Variants in FAM219B observed in about 807,000 individuals in gnomAD.
The protein encoded by FAM219B is family with sequence similarity 219 member B.
FAM219B carries 18 observed loss-of-function variants against 19.9 expected under a neutral mutation model. That is an observed-to-expected ratio of 0.91 (90% confidence interval 0.63 to 1.34). The LOEUF is 1.34. Among genes scored for constraint, FAM219B ranks in the 40% most tolerant of loss-of-function variants. The pLI is 0.00. For missense variants in FAM219B, 283 were observed against 270.5 expected (o/e 1.05, Z -0.32); for synonymous variants, 123 against 117.5 (o/e 1.05, Z -0.30).
intron 1 of FAM219B, 69 bp from the exon 2 acceptor site, chr15:74,906,434 C>A: frequency 2.6e-6 from 4 of 1,553,338 alleles, no homozygotes; most frequent in Non-Finnish European, 3.5e-6. Flanking sequence ...GGCTGGGAGG[C>A]CGCTCTTTCC....
intron 4 of FAM219B, 67 bp from the exon 5 acceptor site, chr15:74,902,853 CAG>C (rs2065020853): frequency 6.5e-7 from 1 of 1,534,064 alleles, no homozygotes; most frequent in South Asian, 1.3e-5. Context: ...ACCCAAAAGA[CAG>C]AACCACATTC....
At position 74,903,811 on chromosome 15, in the gene FAM219B, A is replaced by C. The variant is rs4886635; in HGVS notation, c.429+853T>G. ...AGTGGTGTAGAGTCAGGTCCCCAGC[A>C]CTTCACCTCTGTCAAAGGGAATGGG... On this transcript the variant is annotated intron_variant, in intron 4 of 4. Coordinates refer to ENST00000357635, the MANE Select transcript of FAM219B (RefSeq NM_020447.5). Among the ~76,000 whole-genome samples, 1,459 of 152,126 alleles carry C rather than the reference A, an allele frequency of 9.6e-3. 42 individuals are homozygous for C. The highest frequency in any genetic ancestry group is 0.055 in the Admixed American group (834 of 15,264).
intron 2 of FAM219B, 35 bp downstream of exon 2, chr15:74,906,243 G>A (rs373413507): frequency 2.6e-5 from 42 of 1,605,984 alleles, no homozygotes; most frequent in Non-Finnish European, 1.9e-5. Flanking sequence ...CTTCTCTAAA[G>A]CTGCTGGCAC....
In FAM219B at chr15:74,906,315, C is replaced by A; in HGVS notation, c.265G>T (p.Gly89Trp). 6.2e-7 allele frequency: 1 copy of A among 1,613,632 alleles called. No homozygotes were observed. Reference protein sequence around the residue: ...KAVLRRKGMLGASPNRPDSSG... With the variant: ...KAVLRRKGMLWASPNRPDSSG... The stretch of plus-strand genomic sequence containing the variant: ...GAGTCTGGGCGGTTCGGCGAGGCCC[C>A]CAGCATGCCTTTTCTCCGCAGAACG... Residue 89 changes from glycine (G) to tryptophan (W), a missense_variant, in exon 2 of 5, where the codon GGG (glycine) becomes TGG (tryptophan). By Grantham distance (184) the Gly-to-Trp change is radical (BLOSUM62 -2). Transcript: ENST00000357635.
In FAM219B at chr15:74,902,399, C is replaced by T. The variant is rs190919156; in HGVS notation, c.*220G>A. 1.2e-3 allele frequency: 519 copies of T among 418,150 alleles called. 4 individuals carry two copies. Among genetic ancestry groups the T allele is most frequent in the African/African-American group, 9.8e-3 (481 of 49,130 alleles). 25.9% of individuals were successfully genotyped at this position (418,150 alleles called of 1,614,324 possible). A position where few individuals can be genotyped will look rare whatever the true frequency, so the allele number is the denominator to read the frequency against. On this transcript the variant is annotated 3_prime_UTR_variant, in exon 5 of 5. Transcript: ENST00000357635. Reference sequence around the variant, plus strand: ...CTTGCCCTTATTAAAGTGACTTCTCCAAACTCTGCTCCAACAGCAGAGGAA... The same window carrying T: ...CTTGCCCTTATTAAAGTGACTTCTCTAAACTCTGCTCCAACAGCAGAGGAA...
At position 74,906,364 on chromosome 15, in the gene FAM219B, C is replaced by T. The variant is rs759700702; in HGVS notation, c.216G>A (p.Gln72=). 9.9e-6 allele frequency: 16 copies of T among 1,610,010 alleles called. No individual in the cohort carries two copies. Among genetic ancestry groups the T allele is most frequent in the African/African-American group, 4.0e-5 (3 of 74,872 alleles). Residue 72 remains glutamine, a splice_region_variant and synonymous_variant, in exon 2 of 5, where the codon CAG becomes CAA. Coordinates refer to ENST00000357635, the MANE Select transcript of FAM219B (RefSeq NM_020447.5). ...TRAPSIQAKL[Q]KHRDLAKAVL... ...CGGCCTTGGCCAGGTCCCGGTGCTT[C>T]TCTGGAAGTTAAAGGACCCGGGTCA...
Position 74,902,013 on chromosome 15 carries a change from G to C in FAM219B, c.*606C>G, listed in dbSNP as rs1329570180. On this transcript the variant is annotated 3_prime_UTR_variant, in exon 5 of 5. Transcript: ENST00000357635. ...GGATTCTGGAAGCCAGGATCCTGCTGTATCATTAAGCAACCTGCTATGATC... is the reference window on the plus strand; with the variant it reads ...GGATTCTGGAAGCCAGGATCCTGCTCTATCATTAAGCAACCTGCTATGATC... 2.5e-6 allele frequency: 1 copy of C among 397,900 alleles called. No homozygotes were observed. Among genetic ancestry groups the C allele is most frequent in the Non-Finnish European group, 4.4e-6 (1 of 225,916 alleles). The allele number at this position is 397,900 out of a possible 1,614,324, so 24.6% of individuals were successfully genotyped here.
At position 74,904,751 on chromosome 15, in the gene FAM219B, T is replaced by C. The variant is rs1475602732; in HGVS notation, c.381-39A>G. ...AAAACAGTCAGTTCCGGGAGGTACC[T>C]GTGGTGCACAGCTGTAAATCATCAG... On this transcript the variant is annotated intron_variant, in intron 3 of 4. Transcript: ENST00000357635. The C allele has an allele frequency of 5.6e-6, 9 of 1,612,724 alleles. No individual in the cohort carries two copies. The South Asian group carries it at 8.8e-5, about 16-fold the overall frequency.
chr15:74,902,547 G>A lies in FAM219B; in HGVS notation c.*72C>T, dbSNP rs2065004295. 5 of 1,462,842 alleles carry A rather than the reference G, an allele frequency of 3.4e-6. No homozygotes were observed. The highest frequency in any genetic ancestry group is 4.6e-6 in the Non-Finnish European group (5 of 1,085,966). 90.6% of individuals were successfully genotyped at this position (1,462,842 alleles called of 1,614,324 possible). A position where few individuals can be genotyped will look rare whatever the true frequency, so the allele number is the denominator to read the frequency against. On this transcript the variant is annotated 3_prime_UTR_variant, in exon 5 of 5. Transcript: ENST00000357635. ...CAGTGACTTCAGTGCTCACTGCACT[G>A]TGTGAGCTATGAGTGGCCAACAGGG...
chr15:74,906,220 TG>T, intron 2 of FAM219B, 57 bp downstream of exon 2: 2 of 1,576,622 alleles, frequency 1.3e-6, no homozygotes, highest in Non-Finnish European at 8.6e-7. Context: ...GCCTCCGTCC[TG>T]GGGATTAAAG....
chr15:74,904,732 G>C lies in FAM219B; in HGVS notation c.381-20C>G, dbSNP rs1335022508. Reference sequence around the variant, plus strand: ...CCATCACTAGGAGAAGAGGAAAACAGTCAGTTCCGGGAGGTACCTGTGGTG... The same window carrying C: ...CCATCACTAGGAGAAGAGGAAAACACTCAGTTCCGGGAGGTACCTGTGGTG... On this transcript the variant is annotated intron_variant, in intron 3 of 4. Transcript: ENST00000357635. 6.2e-7 allele frequency: 1 copy of C among 1,614,202 alleles called. No individual in the cohort carries two copies. Among genetic ancestry groups the C allele is most frequent in the Non-Finnish European group, 8.5e-7 (1 of 1,180,010 alleles).
intron 2 of FAM219B, 27 bp from the exon 3 acceptor site, chr15:74,905,258 C>G (rs981384861): frequency 6.2e-7 from 1 of 1,607,478 alleles, no homozygotes. Flanking sequence ...GAGAAGAGAC[C>G]AAACATAGAT....
At chr15:74,902,904 A>G (rs1220871319) in intron 4 of FAM219B, 118 bp from the exon 5 acceptor site, 1 of 1,073,140 alleles carries the variant, frequency 9.3e-7, no homozygotes, top group African/African-American at 1.6e-5. Context: ...ACCCCAGGCC[A>G]ACCCCACACA....
chr15:74,898,118 G>T, downstream of FAM219B: 1 of 359,966 alleles, frequency 2.8e-6, no homozygotes, highest in East Asian at 7.1e-5. Context: ...TCTAGCGATG[G>T]GACTGCCCAT....
chr15:74,899,726 C>G (rs561448906), downstream of FAM219B: 5 of 152,306 alleles, frequency 3.3e-5, no homozygotes, highest in Non-Finnish European at 5.9e-5. Context: ...TGGGTTCAAG[C>G]GATTCTTCTG....
chr15:74,905,255 G>A, intron 2 of FAM219B, 24 bp from the exon 3 acceptor site: 2 of 1,610,024 alleles, frequency 1.2e-6, no homozygotes, highest in Middle Eastern at 1.7e-4. Flanking sequence ...GGGGAGAAGA[G>A]ACCAAACATA....
At chr15:74,904,191 T>A (rs551056766) in intron 4 of FAM219B, among the ~76,000 whole-genome samples, 1 of 152,216 alleles carries the variant, frequency 6.6e-6, no homozygotes, top group Non-Finnish European at 1.5e-5. Flanking sequence ...AGGTGGTCAG[T>A]ACCCAATTAC....
At chr15:74,899,765 G>C (rs1298944109), downstream of FAM219B, 1 of 152,246 alleles carries the variant, frequency 6.6e-6, no homozygotes, top group African/African-American at 2.4e-5. Flanking sequence ...TGGGACTACA[G>C]GCGCCTGCCA....
At chr15:74,904,832 A>G in intron 3 of FAM219B, 120 bp from the exon 4 acceptor site, 2 of 1,472,014 alleles carry the variant, frequency 1.4e-6, no homozygotes, top group South Asian at 2.3e-5. Context: ...CACACACAAC[A>G]GAACTCAAGT....
Sources: gnomAD v4.1 joint callset for allele counts (sites outside exome capture counted in the v4.1 genomes callset) on GRCh38, gnomAD v4.1.1 for gene constraint, MANE v1.5 for transcripts, NCBI Gene and HGNC (gene_info 2026-07-23, HGNC 2026-07-21) for gene names.